Variants in STAM2 observed in about 807,000 individuals in gnomAD.
STAM2 encodes the protein signal transducing adapter molecule 2.
STAM2 carries 51 observed loss-of-function variants against 65.6 expected under a neutral mutation model. The observed-to-expected ratio is 0.78, with a 90% confidence interval of 0.62 to 0.98. STAM2 has a LOEUF of 0.98. Ranked by LOEUF, STAM2 falls within the 50% of genes least tolerant of loss-of-function variation. The pLI, the probability that STAM2 is intolerant of heterozygous loss-of-function variation, is 0.00. For missense variants in STAM2, 584 were observed against 617.8 expected (o/e 0.95, Z 0.58); for synonymous variants, 198 against 208.4 (o/e 0.95, Z 0.43).
At chr2:152,159,110 T>TATATATATATATACAC (rs575009275) in intron 1 of STAM2, among the ~76,000 whole-genome samples, 2 of 129,234 alleles carry the variant, frequency 1.5e-5, no homozygotes, top group East Asian at 3.1e-4. Context: ...TATATATATA[T>TATATATATATATACAC]ACACACACAG....
At chr2:152,172,575 A>AG (rs1321695066) in intron 1 of STAM2, among the ~76,000 whole-genome samples, 3 of 152,100 alleles carry the variant, frequency 2.0e-5, no homozygotes, top group East Asian at 1.9e-4. Flanking sequence ...CTATCAGAGA[A>AG]GGGGGGGAGG....
In STAM2 at chr2:152,148,254, C is replaced by A; in HGVS notation, c.172G>T (p.Val58Phe). The A allele has an allele frequency of 6.2e-7, 1 of 1,611,204 alleles. No individual in the cohort carries two copies. The highest frequency in any genetic ancestry group is 8.5e-7 in the Non-Finnish European group (1 of 1,179,012). The change falls in exon 3 of 14, where the codon GTT becomes TTT. Residue 58 changes from valine to phenylalanine, a missense_variant. Transcript: ENST00000263904. ...KAIMKRVNHK[V>F]PHVALQALTL... Reference sequence around the variant, plus strand: ...AGTGCTTGCAGAGCAACATGTGGAACCTTATGATTTACCCTTTTCATTATG... The same window carrying A: ...AGTGCTTGCAGAGCAACATGTGGAAACTTATGATTTACCCTTTTCATTATG...
intron 5 of STAM2, among the ~76,000 whole-genome samples, chr2:152,146,340 T>C (rs982223059): frequency 1.3e-5 from 2 of 151,816 alleles, no homozygotes; most frequent in African/African-American, 4.8e-5. Context: ...AATATAGTAC[T>C]TCTCATCGTC....
At chr2:152,121,509 C>T (rs1031121168) in intron 13 of STAM2, among the ~76,000 whole-genome samples, 2 of 152,152 alleles carry the variant, frequency 1.3e-5, no homozygotes, top group Non-Finnish European at 2.9e-5. Context: ...TCCCCATCTC[C>T]CAATCCAGCA....
At chr2:152,175,320 T>C (rs2105576764) in intron 1 of STAM2, among the ~76,000 whole-genome samples, 1 of 152,194 alleles carries the variant, frequency 6.6e-6, no homozygotes, top group East Asian at 1.9e-4. Flanking sequence ...ATCAGTCCAG[T>C]CTCCAGCGAG....
chr2:152,136,571 AGTCT>A (rs1207751259), intron 7 of STAM2, among the ~76,000 whole-genome samples: 5 of 152,284 alleles, frequency 3.3e-5, no homozygotes, highest in Non-Finnish European at 4.4e-5. Context: ...CCTTCTTGTC[AGTCT>A]GTTTTTTGTT....
rs1057378825 is a variant in STAM2, at chr2:152,152,629, G to A, written c.41-2400C>T. On this transcript the variant is annotated intron_variant, in intron 1 of 13. Transcript: ENST00000263904. Reference sequence around the variant, plus strand: ...GATGAACATTCATATACAAGTCTCTGTGTGGACATTACGCCTTCATTGTCC... The same window carrying A: ...GATGAACATTCATATACAAGTCTCTATGTGGACATTACGCCTTCATTGTCC... Among the ~76,000 whole-genome samples the A allele has an allele frequency of 2.0e-5, 3 of 152,156 alleles. No individual in the cohort carries two copies. In the East Asian group the frequency reaches 5.8e-4, roughly 29 times the overall value.
chr2:152,136,240 C>T (rs1165011132), intron 7 of STAM2, among the ~76,000 whole-genome samples: 4 of 151,754 alleles, frequency 2.6e-5, no homozygotes, highest in South Asian at 2.1e-4. Flanking sequence ...GTCAGGAGTT[C>T]GAGACTAGCC....
chr2:152,129,216 T>C (rs988438702), intron 11 of STAM2, among the ~76,000 whole-genome samples: 1 of 152,158 alleles, frequency 6.6e-6, no homozygotes, highest in African/African-American at 2.4e-5. Context: ...CAACCGTGGC[T>C]CACTGCAGCC....
rs547661142 is a variant in STAM2 at position 152,140,005 on chromosome 2, G to A, written c.704+3822C>T. Among the ~76,000 whole-genome samples the A allele has an allele frequency of 5.3e-5, 8 of 152,156 alleles. No homozygotes were observed. In the East Asian group the frequency reaches 1.2e-3, roughly 22 times the overall value. On this transcript the variant is annotated intron_variant, in intron 7 of 13. Coordinates refer to ENST00000263904, the MANE Select transcript of STAM2 (RefSeq NM_005843.6). ...TGCAAATATGACGCCATTTTATATC[G>A]AAGACTTGCATCTGTGGATTTTGGT...
At position 152,123,843 on chromosome 2, in the gene STAM2, T is replaced by G. The variant is rs191484843; in HGVS notation, c.1272A>C (p.Gln424His). 3 of 1,614,128 alleles carry G rather than the reference T, an allele frequency of 1.9e-6. No homozygotes were observed. Among genetic ancestry groups the G allele is most frequent in the African/African-American group, 2.7e-5 (2 of 75,046 alleles). Residue 424 changes from glutamine to histidine, a missense_variant, in exon 13 of 14, where the codon CAA becomes CAC. Coordinates refer to ENST00000263904, the MANE Select transcript of STAM2 (RefSeq NM_005843.6). ...VAQSYSLGPD[Q>H]IGPLRSLPPN... ...GAGGCAGAGATCTCAGTGGACCAAT[T>G]TGATCGGGTCCTAGGCTATAGCTTT...
At chr2:152,121,772 C>T (rs13416619) in intron 13 of STAM2, among the ~76,000 whole-genome samples, 3 of 152,032 alleles carry the variant, frequency 2.0e-5, no homozygotes, top group Non-Finnish European at 4.4e-5. Context: ...TGGCTGGAAG[C>T]GGTGGCTCAC....
At chr2:152,170,308 G>A (rs1029867346) in intron 1 of STAM2, among the ~76,000 whole-genome samples, 42 of 151,384 alleles carry the variant, frequency 2.8e-4, no homozygotes, top group Non-Finnish European at 5.3e-4. Context: ...GTGAAACCCC[G>A]TCTCTACTAA....
intron 11 of STAM2, 129 bp downstream of exon 11, chr2:152,131,984 GC>G: frequency 3.3e-6 from 2 of 612,768 alleles, no homozygotes; most frequent in Non-Finnish European, 5.6e-6. Flanking sequence ...TTTGTTAAAA[GC>G]CTGGGAAACT....
intron 6 of STAM2, among the ~76,000 whole-genome samples, chr2:152,144,433 A>AT (rs1274193487): frequency 2.0e-5 from 3 of 152,140 alleles, no homozygotes; most frequent in African/African-American, 7.2e-5. Flanking sequence ...ATAGCATGTC[A>AT]TTTGTTTTCC....
chr2:152,150,531 G>T (rs975567944), intron 1 of STAM2, among the ~76,000 whole-genome samples: 1 of 152,234 alleles, frequency 6.6e-6, no homozygotes, highest in Non-Finnish European at 1.5e-5. Flanking sequence ...GGCCGGGCAT[G>T]GTGGCTCATG....
intron 13 of STAM2, among the ~76,000 whole-genome samples, chr2:152,122,902 C>CA (rs1560208585): frequency 6.6e-6 from 1 of 151,542 alleles, no homozygotes; most frequent in African/African-American, 2.4e-5. Flanking sequence ...CCCACCTTGA[C>CA]AAAAAAATAC....
In STAM2 at chr2:152,148,197, G is replaced by A. The variant is rs201642945; in HGVS notation, c.201+28C>T. The stretch of plus-strand genomic sequence containing the variant: ...AATTAAAAACACATTTAAAATTTGC[G>A]TCAAATAATAACATGCCTTGTACTC... On this transcript the variant is annotated intron_variant, in intron 3 of 13. Coordinates refer to ENST00000263904, the MANE Select transcript of STAM2 (RefSeq NM_005843.6). 42 of 1,596,638 alleles carry A rather than the reference G, an allele frequency of 2.6e-5. 1 individual carries two copies. In the South Asian group the frequency reaches 2.9e-4, roughly 11 times the overall value.
chr2:152,152,140 C>T (rs1689458356), intron 1 of STAM2, among the ~76,000 whole-genome samples: 1 of 152,280 alleles, frequency 6.6e-6, no homozygotes, highest in East Asian at 1.9e-4. Flanking sequence ...GGGGTTTTGC[C>T]ATGTTGCCCA....
Sources: allele counts gnomAD v4.1 joint callset (sites outside exome capture counted in the v4.1 genomes callset), GRCh38; gene constraint gnomAD v4.1.1; transcripts MANE v1.5; gene names NCBI Gene and HGNC (gene_info 2026-07-23, HGNC 2026-07-21).